Variants in ACYP2 observed in about 807,000 individuals in gnomAD.
ACYP2 encodes acylphosphatase-2.
A neutral mutation model predicts 11.2 loss-of-function variants in ACYP2; 12 were observed. The ratio of observed to expected loss-of-function variants is 1.08; its 90% confidence interval spans 0.69 to 1.74. The LOEUF (loss-of-function observed/expected upper bound fraction) is 1.74. Ranked by LOEUF, ACYP2 falls within the 40% of genes most tolerant of loss-of-function variation. The probability of loss-of-function intolerance (pLI) is 0.00; values close to 1 mark genes in which losing one functional copy is unlikely to be tolerated. For missense variants in ACYP2, 134 were observed against 101.9 expected, an observed-to-expected ratio of 1.31 and a Z score of -1.35; for synonymous variants, 43 against 32.2, an observed-to-expected ratio of 1.33 and a Z score of -1.13.
chr2:54,239,500 G>A (rs1204978078), intron 6 of ACYP2, among the ~76,000 whole-genome samples: 1 of 152,146 alleles, frequency 6.6e-6, no homozygotes, highest in Non-Finnish European at 1.5e-5. Flanking sequence ...TTCCTAGAAA[G>A]GTTAAGGAGA....
intron 2 of ACYP2, among the ~76,000 whole-genome samples, chr2:54,017,820 G>T (rs1225602521): frequency 2.6e-5 from 4 of 152,088 alleles, no homozygotes; most frequent in Non-Finnish European, 4.4e-5. Flanking sequence ...AGGGGTGAGT[G>T]GAAGGAGTGG....
intron 2 of ACYP2, among the ~76,000 whole-genome samples, chr2:54,005,419 C>T (rs1374263042): frequency 6.6e-6 from 1 of 151,882 alleles, no homozygotes; most frequent in African/African-American, 2.4e-5. Flanking sequence ...GGCTCACTGC[C>T]ACTTCCACCT....
intron 4 of ACYP2, among the ~76,000 whole-genome samples, chr2:54,134,435 A>G (rs1681105311): frequency 1.3e-5 from 2 of 152,220 alleles, no homozygotes; most frequent in Non-Finnish European, 2.9e-5. Flanking sequence ...GTTTTATTAC[A>G]TTTAAATTTG....
chr2:54,093,334 G>A (rs1678335178), intron 4 of ACYP2, among the ~76,000 whole-genome samples: 1 of 152,200 alleles, frequency 6.6e-6, no homozygotes, highest in Non-Finnish European at 1.5e-5. Context: ...AAAGAATATT[G>A]TCTCTGCAAA....
chr2:54,255,840 C>T (rs114346583), intron 6 of ACYP2: 1 of 1,613,926 alleles, frequency 6.2e-7, no homozygotes, highest in Non-Finnish European at 8.5e-7. Flanking sequence ...CAGTTGTCAG[C>T]GAGGCAGAGG....
intron 4 of ACYP2, among the ~76,000 whole-genome samples, chr2:54,128,896 G>C (rs1365112931): frequency 6.6e-6 from 1 of 152,134 alleles, no homozygotes; most frequent in Non-Finnish European, 1.5e-5. Flanking sequence ...ACTGAGGGCA[G>C]ATCTTACCCA....
At chr2:54,230,982 C>T (rs1383990941) in intron 6 of ACYP2, among the ~76,000 whole-genome samples, 1 of 151,566 alleles carries the variant, frequency 6.6e-6, no homozygotes, top group Non-Finnish European at 1.5e-5. Flanking sequence ...AGGCGCCTGC[C>T]ACCACGCCCA....
chr2:54,279,026 T>A lies in ACYP2; in HGVS notation c.405-25662T>A, dbSNP rs544227044. ...GAGAAGCTAACTGACCCATGATAAGTTAAACCTCAAATCTTACCACTTTTA... is the reference window on the plus strand; with the variant it reads ...GAGAAGCTAACTGACCCATGATAAGATAAACCTCAAATCTTACCACTTTTA... On this transcript the variant is annotated intron_variant, in intron 6 of 6. Transcript: ENST00000607452. Among the ~76,000 whole-genome samples, 10 of 152,302 alleles carry A rather than the reference T, an allele frequency of 6.6e-5. 1 individual carries two copies. The highest frequency in any genetic ancestry group is 2.4e-4 in the African/African-American group (10 of 41,558).
chr2:54,130,147 G>A (rs1045137583), intron 4 of ACYP2, among the ~76,000 whole-genome samples: 2 of 152,166 alleles, frequency 1.3e-5, no homozygotes, highest in African/African-American at 2.4e-5. Flanking sequence ...AACAATGTAT[G>A]TGCAAGAAAC....
At chr2:54,138,359 A>G (rs977686156) in intron 5 of ACYP2, among the ~76,000 whole-genome samples, 1 of 152,226 alleles carries the variant, frequency 6.6e-6, no homozygotes, top group Non-Finnish European at 1.5e-5. Context: ...AAAACACATC[A>G]TAGGAACTGT....
intron 6 of ACYP2, among the ~76,000 whole-genome samples, chr2:54,289,287 C>G (rs1174499423): frequency 1.3e-5 from 2 of 151,826 alleles, no homozygotes; most frequent in Admixed American, 1.3e-4. Flanking sequence ...CTCTTATTTG[C>G]CAAAAATTCA....
At chr2:54,293,291 C>A (rs1222792668) in intron 6 of ACYP2, among the ~76,000 whole-genome samples, 1 of 152,210 alleles carries the variant, frequency 6.6e-6, no homozygotes, top group African/African-American at 2.4e-5. Flanking sequence ...GCATATCTGT[C>A]ACTAGATATG....
At chr2:53,989,308 A>G (rs1188525973) in intron 2 of ACYP2, among the ~76,000 whole-genome samples, 4 of 139,360 alleles carry the variant, frequency 2.9e-5, no homozygotes, top group African/African-American at 5.4e-5. Flanking sequence ...TTTCACAGAC[A>G]AGGATTCCCA....
chr2:53,978,345 G>C (rs1671594844), intron 2 of ACYP2, among the ~76,000 whole-genome samples: 1 of 151,736 alleles, frequency 6.6e-6, no homozygotes. Context: ...GGATGATTAA[G>C]AGCTTTCTTA....
At chr2:54,300,510 C>T (rs1489459030) in intron 6 of ACYP2, among the ~76,000 whole-genome samples, 2 of 152,238 alleles carry the variant, frequency 1.3e-5, no homozygotes, top group Non-Finnish European at 2.9e-5. Flanking sequence ...CACCTTGAGA[C>T]AACTGTGAAG....
intron 6 of ACYP2, among the ~76,000 whole-genome samples, chr2:54,184,065 G>A (rs773462241): frequency 2.6e-5 from 4 of 152,114 alleles, no homozygotes; most frequent in African/African-American, 7.2e-5. Flanking sequence ...TTTTGCATTC[G>A]TTTAGTCTAA....
At chr2:54,130,944 C>T (rs932871409) in intron 4 of ACYP2, among the ~76,000 whole-genome samples, 3 of 152,162 alleles carry the variant, frequency 2.0e-5, no homozygotes, top group African/African-American at 7.2e-5. Context: ...TGTCATGTAG[C>T]TGTCTTATGA....
chr2:54,292,656 G>A (rs1689357548), intron 6 of ACYP2, among the ~76,000 whole-genome samples: 1 of 118,050 alleles, frequency 8.5e-6, no homozygotes, highest in South Asian at 3.0e-4. Flanking sequence ...CTGATTGTGT[G>A]TGTATATATG....
chr2:54,164,873 C>G (rs533028741), intron 6 of ACYP2, among the ~76,000 whole-genome samples: 1 of 152,108 alleles, frequency 6.6e-6, no homozygotes, highest in Non-Finnish European at 1.5e-5. Context: ...CCCTCACCCC[C>G]GTGACAGGCC....
Sources: allele counts gnomAD v4.1 joint callset (sites outside exome capture counted in the v4.1 genomes callset), GRCh38; gene constraint gnomAD v4.1.1; transcripts MANE v1.5; gene names NCBI Gene and HGNC (gene_info 2026-07-23, HGNC 2026-07-21).